The following LRRC4C variants were observed in gnomAD, a reference collection of about 807,000 sequenced individuals.
LRRC4C encodes the protein leucine-rich repeat-containing protein 4C.
In LRRC4C, 5 loss-of-function variants were observed where a neutral mutation model predicts 33.6. The ratio of observed to expected loss-of-function variants is 0.15; its 90% CI spans 0.08 to 0.31. The LOEUF (loss-of-function observed/expected upper bound fraction) is 0.31. Ranked by LOEUF, LRRC4C falls within the 10% of genes least tolerant of loss-of-function variation. LRRC4C has a pLI of 1.00. For missense variants in LRRC4C, 560 were observed against 796.7 expected (o/e 0.70, Z 3.58); for synonymous variants, 329 against 302.0 (o/e 1.09, Z -0.93).
chr11:40,796,103 C>G (rs1950814423), intron 2 of LRRC4C, among the ~76,000 whole-genome samples: 1 of 152,062 alleles, frequency 6.6e-6, no homozygotes, highest in Non-Finnish European at 1.5e-5. Context: ...TGGTATTATA[C>G]CCAGGTTTTG....
intron 2 of LRRC4C, among the ~76,000 whole-genome samples, chr11:40,921,103 C>A (rs759260414): frequency 6.6e-6 from 1 of 151,824 alleles, no homozygotes; most frequent in African/African-American, 2.4e-5. Context: ...AAAAAATTTT[C>A]GTAGAGACAA....
At chr11:41,288,065 G>A (rs1452256703) in intron 1 of LRRC4C, among the ~76,000 whole-genome samples, 1 of 152,142 alleles carries the variant, frequency 6.6e-6, no homozygotes, top group Non-Finnish European at 1.5e-5. Flanking sequence ...GGATTACTCT[G>A]TGCCAGGTTC....
At chr11:40,567,973 G>T (rs1259057984) in intron 3 of LRRC4C, among the ~76,000 whole-genome samples, 3 of 152,166 alleles carry the variant, frequency 2.0e-5, no homozygotes, top group African/African-American at 7.2e-5. Context: ...GCATTTGGAA[G>T]GTTCAAGTCA....
At chr11:40,595,177 C>T (rs755271755) in intron 3 of LRRC4C, among the ~76,000 whole-genome samples, 8 of 151,402 alleles carry the variant, frequency 5.3e-5, no homozygotes, top group East Asian at 1.9e-4. Context: ...AAGAAGGAGA[C>T]GTATTTATTA....
At chr11:41,163,322 C>T (rs1447131889) in intron 1 of LRRC4C, among the ~76,000 whole-genome samples, 1 of 78,918 alleles carries the variant, frequency 1.3e-5, no homozygotes, top group Non-Finnish European at 2.4e-5. Flanking sequence ...CTTGCTCTGT[C>T]ACCCAGGCTG....
rs140346315 is a variant in LRRC4C, at chr11:40,348,726, G to A, written c.-269-29005C>T. Among the ~76,000 whole-genome samples, 71 of 152,206 alleles carry A rather than the reference G, an allele frequency of 4.7e-4. 2 individuals carry two copies. Among genetic ancestry groups the A allele is most frequent in the African/African-American group, 1.6e-3 (67 of 41,508 alleles). On this transcript the variant is annotated intron_variant, in intron 3 of 6. Transcript: ENST00000528697. ...TCTGTAACTCTTTCTAATGACTTCA[G>A]TGTATGATGGAAACTATAATAATTT...
rs1296837611 is a variant in LRRC4C, at chr11:41,115,118, T to C, written c.-495-181395A>G. Among the ~76,000 whole-genome samples, 3 of 152,112 alleles carry C rather than the reference T, an allele frequency of 2.0e-5. No homozygotes were observed. In the East Asian group the frequency reaches 5.8e-4, roughly 29 times the overall value. ...TAAAAAGTTATAAACATTAAAAATGTTTTAAATCTTATTTCTCTAAAGCTA... is the reference window on the plus strand; with the variant it reads ...TAAAAAGTTATAAACATTAAAAATGCTTTAAATCTTATTTCTCTAAAGCTA... On this transcript the variant is annotated intron_variant, in intron 1 of 6. Coordinates refer to ENST00000528697, the MANE Select transcript of LRRC4C (RefSeq NM_001258419.2).
At chr11:40,291,445 C>T (rs1398529568) in intron 4 of LRRC4C, among the ~76,000 whole-genome samples, 2 of 152,188 alleles carry the variant, frequency 1.3e-5, no homozygotes, top group East Asian at 3.8e-4. Context: ...GGAAAGGTTT[C>T]TGGCAAAACC....
intron 5 of LRRC4C, among the ~76,000 whole-genome samples, chr11:40,163,306 A>T (rs1000039007): frequency 3.3e-5 from 5 of 152,202 alleles, no homozygotes; most frequent in Admixed American, 3.3e-4. Flanking sequence ...ATCTTAGTAA[A>T]GATTGCCTGT....
chr11:41,296,722 T>A (rs1950154909), intron 1 of LRRC4C, among the ~76,000 whole-genome samples: 1 of 151,986 alleles, frequency 6.6e-6, no homozygotes, highest in Non-Finnish European at 1.5e-5. Flanking sequence ...TCCTTAGCAT[T>A]TTTTTTTCTT....
chr11:40,690,871 C>G (rs1945190761), intron 2 of LRRC4C, among the ~76,000 whole-genome samples: 1 of 151,924 alleles, frequency 6.6e-6, no homozygotes, highest in South Asian at 2.1e-4. Flanking sequence ...GCTGATATCT[C>G]AAACCATAAA....
At chr11:40,553,098 C>A (rs1957189829) in intron 3 of LRRC4C, among the ~76,000 whole-genome samples, 1 of 152,096 alleles carries the variant, frequency 6.6e-6, no homozygotes, top group South Asian at 2.1e-4. Flanking sequence ...TGGCAAAACC[C>A]TGTCTCTACT....
intron 2 of LRRC4C, among the ~76,000 whole-genome samples, chr11:40,912,607 G>A (rs1956752012): frequency 2.0e-5 from 3 of 152,296 alleles, no homozygotes; most frequent in Middle Eastern, 3.4e-3. Flanking sequence ...AAATTGTAAA[G>A]ACCATCAAGG....
At chr11:40,608,978 A>G (rs1473130127) in intron 3 of LRRC4C, among the ~76,000 whole-genome samples, 1 of 152,170 alleles carries the variant, frequency 6.6e-6, no homozygotes, top group African/African-American at 2.4e-5. Flanking sequence ...CAATCATAGT[A>G]GGAGACTTCA....
chr11:40,490,310 A>G (rs1954081762), intron 3 of LRRC4C, among the ~76,000 whole-genome samples: 1 of 152,110 alleles, frequency 6.6e-6, no homozygotes, highest in Admixed American at 6.6e-5. Context: ...CTGCCTTTTC[A>G]CCACTCTTGC....
chr11:41,273,409 G>T (rs1169800810), intron 1 of LRRC4C, among the ~76,000 whole-genome samples: 4 of 152,078 alleles, frequency 2.6e-5, no homozygotes, highest in Non-Finnish European at 5.9e-5. Context: ...ATATTATTCA[G>T]CCTTAAAAAA....
At chr11:40,883,159 T>A (rs1955269563) in intron 2 of LRRC4C, among the ~76,000 whole-genome samples, 1 of 152,064 alleles carries the variant, frequency 6.6e-6, no homozygotes, top group African/African-American at 2.4e-5. Flanking sequence ...ACACTAAAGA[T>A]AACCAGGCTT....
intron 3 of LRRC4C, among the ~76,000 whole-genome samples, chr11:40,367,513 A>G (rs1210980753): frequency 6.6e-6 from 1 of 152,094 alleles, no homozygotes; most frequent in Admixed American, 6.6e-5. Context: ...AATGCAATGC[A>G]TGGAGGCCAC....
intron 3 of LRRC4C, among the ~76,000 whole-genome samples, chr11:40,392,627 T>A (rs1417891234): frequency 6.6e-6 from 1 of 152,132 alleles, no homozygotes; most frequent in East Asian, 1.9e-4. Context: ...ATCTGATAGC[T>A]GTCATCACAA....
Sources: gnomAD v4.1 joint callset for allele counts (sites outside exome capture counted in the v4.1 genomes callset) on GRCh38, gnomAD v4.1.1 for gene constraint, MANE v1.5 for transcripts, NCBI Gene and HGNC (gene_info 2026-07-23, HGNC 2026-07-21) for gene names.